The following EYS variants were observed in gnomAD, a reference collection of about 807,000 sequenced individuals.
The protein encoded by EYS is protein eyes shut homolog.
A neutral mutation model predicts 282.1 loss-of-function variants in EYS; 250 were observed. The observed-to-expected ratio is 0.89, with a 90% confidence interval of 0.80 to 0.98. The LOEUF (loss-of-function observed/expected upper bound fraction) is 0.98. Among genes scored for constraint, EYS ranks in the 50% least tolerant of loss-of-function variants. The pLI, the probability that EYS is intolerant of heterozygous loss-of-function variation, is 0.00. For synonymous variants in EYS, 1,355 were observed against 1,282.9 expected (o/e 1.06, Z -1.20); for missense variants, 4,016 against 3,709.0 (o/e 1.08, Z -2.15).
intron 22 of EYS, among the ~76,000 whole-genome samples, chr6:64,735,308 C>A (rs1772150997): frequency 6.6e-6 from 1 of 152,188 alleles, no homozygotes; most frequent in Non-Finnish European, 1.5e-5. Context: ...TGGTCTCGAT[C>A]TCCTGACCTC....
At chr6:64,433,111 T>A (rs1023789472) in intron 28 of EYS, among the ~76,000 whole-genome samples, 2 of 152,008 alleles carry the variant, frequency 1.3e-5, no homozygotes, top group Admixed American at 1.3e-4. Context: ...AGGTTACTTT[T>A]TCACAGAGCA....
chr6:64,395,797 A>G (rs1344246655), intron 28 of EYS, among the ~76,000 whole-genome samples: 2 of 151,996 alleles, frequency 1.3e-5, no homozygotes, highest in Non-Finnish European at 2.9e-5. Context: ...AAAAAAAGAA[A>G]AAAAAACAAA....
intron 33 of EYS, 105 bp downstream of exon 33, chr6:64,066,231 TCA>T: frequency 1.0e-6 from 1 of 972,402 alleles, no homozygotes; most frequent in Non-Finnish European, 1.5e-6. Context: ...TGAGCTGAGA[TCA>T]CACCACTGCG....
intron 30 of EYS, among the ~76,000 whole-genome samples, chr6:64,294,823 C>T (rs528503936): frequency 1.4e-3 from 213 of 152,154 alleles, no homozygotes; most frequent in Non-Finnish European, 2.8e-3. Flanking sequence ...ACAGTGGTAA[C>T]ACTAACTTTA....
intron 31 of EYS, among the ~76,000 whole-genome samples, chr6:64,121,394 G>T (rs1026673407): frequency 6.6e-6 from 1 of 152,128 alleles, no homozygotes. Flanking sequence ...CCATTTTACA[G>T]ATTAGAAGAT....
intron 28 of EYS, among the ~76,000 whole-genome samples, chr6:64,424,109 A>C (rs1350085046): frequency 6.6e-6 from 1 of 152,214 alleles, no homozygotes; most frequent in Non-Finnish European, 1.5e-5. Flanking sequence ...TCAACTATAA[A>C]ATATTATGAT....
intron 29 of EYS, among the ~76,000 whole-genome samples, chr6:64,317,338 GA>G (rs59815012): frequency 0.042 from 5,659 of 134,286 alleles, 231 homozygotes; most frequent in African/African-American, 0.12. Context: ...AAATTTACAA[GA>G]AAAAAAAAAA....
chr6:65,656,440 A>G (rs1410125320), intron 1 of EYS, among the ~76,000 whole-genome samples: 2 of 151,872 alleles, frequency 1.3e-5, no homozygotes, highest in African/African-American at 2.4e-5. Context: ...CAGTGAACGT[A>G]TGAATGATAA....
At chr6:63,731,961 A>C (rs763315149) in intron 41 of EYS, among the ~76,000 whole-genome samples, 5 of 151,880 alleles carry the variant, frequency 3.3e-5, no homozygotes, top group African/African-American at 4.8e-5. Context: ...TGGATTTAAC[A>C]TCTGGGAGGG....
chr6:64,015,708 G>C (rs12198674), intron 33 of EYS, among the ~76,000 whole-genome samples: 29 of 152,188 alleles, frequency 1.9e-4, no homozygotes, highest in Non-Finnish European at 2.9e-4. Flanking sequence ...TCCTCACAGA[G>C]GGTAAGAAGG....
intron 1 of EYS, among the ~76,000 whole-genome samples, chr6:65,657,035 T>C (rs1234838059): frequency 6.6e-6 from 1 of 151,830 alleles, no homozygotes; most frequent in Non-Finnish European, 1.5e-5. Flanking sequence ...CCTCTAGAAA[T>C]GGAGGAACAA....
chr6:65,513,075 C>A (rs1766962371), intron 2 of EYS, among the ~76,000 whole-genome samples: 1 of 152,032 alleles, frequency 6.6e-6, no homozygotes, highest in Non-Finnish European at 1.5e-5. Context: ...AGAGAAGAAT[C>A]AAATAGATGC....
At chr6:65,249,446 A>G (rs985647409) in intron 12 of EYS, among the ~76,000 whole-genome samples, 3 of 152,022 alleles carry the variant, frequency 2.0e-5, no homozygotes, top group African/African-American at 7.2e-5. Flanking sequence ...CCAGTATTTC[A>G]TGCAAGGTCA....
chr6:65,271,455 C>T (rs554330505), intron 12 of EYS, among the ~76,000 whole-genome samples: 3 of 152,122 alleles, frequency 2.0e-5, no homozygotes, highest in Non-Finnish European at 2.9e-5. Flanking sequence ...GGGAGGGCCA[C>T]ATGCTTTACT....
At chr6:65,265,196 C>A (rs1487736341) in intron 12 of EYS, among the ~76,000 whole-genome samples, 1 of 151,936 alleles carries the variant, frequency 6.6e-6, no homozygotes, top group African/African-American at 2.4e-5. Flanking sequence ...CAGTATCATG[C>A]CCTATACCCT....
At chr6:65,526,911 T>G (rs1485043305) in intron 2 of EYS, among the ~76,000 whole-genome samples, 1 of 152,142 alleles carries the variant, frequency 6.6e-6, no homozygotes, top group Non-Finnish European at 1.5e-5. Context: ...TCTCTAAAAC[T>G]CAACCCAAAT....
At chr6:63,984,314 C>T (rs1767248231) in intron 35 of EYS, 69 bp downstream of exon 35, 2 of 1,138,844 alleles carry the variant, frequency 1.8e-6, no homozygotes, top group African/African-American at 3.1e-5. Context: ...GACAATACTG[C>T]TGGCTTTTGT....
Position 64,179,156 on chromosome 6 carries a change from G to T in EYS, c.6424+51436C>A, listed in dbSNP as rs149374099. On this transcript the variant is annotated intron_variant, in intron 31 of 42. Transcript: ENST00000503581. ...AAACTAAAGAATGTATGTCCAAATA[G>T]TTTCAGATAATACTTGAGAGCTAGT... is the stretch of plus-strand genomic sequence containing the variant. Among the ~76,000 whole-genome samples, 355 of 152,098 alleles carry T rather than the reference G, an allele frequency of 2.3e-3. 1 individual carries two copies. Among genetic ancestry groups the T allele is most frequent in the African/African-American group, 8.2e-3 (339 of 41,534 alleles).
At chr6:63,986,833 G>T (rs966271109) in intron 34 of EYS, among the ~76,000 whole-genome samples, 3 of 151,562 alleles carry the variant, frequency 2.0e-5, no homozygotes, top group Non-Finnish European at 4.4e-5. Context: ...TGGGTGCTGG[G>T]CTTAATTCCC....
Sources: allele counts gnomAD v4.1 joint callset (sites outside exome capture counted in the v4.1 genomes callset), GRCh38; gene constraint gnomAD v4.1.1; transcripts MANE v1.5; gene names NCBI Gene and HGNC (gene_info 2026-07-23, HGNC 2026-07-21).